The following CCNJL variants were observed in gnomAD, a reference collection of about 807,000 sequenced individuals.
CCNJL encodes cyclin-J-like protein.
CCNJL carries 33 observed loss-of-function variants against 33.4 expected under a neutral mutation model. That is an observed-to-expected ratio of 0.99 (90% confidence interval 0.75 to 1.32). The LOEUF is 1.32. CCNJL is among the 40% of genes most tolerant of loss of function. The pLI is 0.00. For missense variants in CCNJL, 512 were observed against 499.7 expected (o/e 1.02, Z -0.23); for synonymous variants, 227 against 220.9 (o/e 1.03, Z -0.24).
upstream of CCNJL, among the ~76,000 whole-genome samples, chr5:160,313,316 T>G (rs568467396): frequency 1.3e-5 from 2 of 152,364 alleles, no homozygotes; most frequent in Non-Finnish European, 1.5e-5. Context: ...TTCACAAATT[T>G]GGAATCAAAT....
Position 160,259,710 on chromosome 5 carries a change from G to A in CCNJL, c.342C>T (p.Ile114=). ...PKLEQINSTR[I]LSSQNFTLTK... ...TGAGGGTGAAGTTCTGGCTGCTCAG[G>A]ATCCTCGTGCTGTTTATTTGCTCCA... Residue 114 remains isoleucine, a synonymous_variant, in exon 4 of 6, where the codon ATC becomes ATT. Coordinates refer to ENST00000257536, the MANE Select transcript of CCNJL (RefSeq NM_001308173.3). 1 of 1,614,144 alleles carries A rather than the reference G, an allele frequency of 6.2e-7. No homozygotes were observed. Among genetic ancestry groups the A allele is most frequent in the Non-Finnish European group, 8.5e-7 (1 of 1,179,984 alleles).
At chr5:160,321,078 CTTTCT>C (rs1763456212) in intron 1 of CCNJL, among the ~76,000 whole-genome samples, 1 of 103,972 alleles carries the variant, frequency 9.6e-6, no homozygotes, top group South Asian at 2.5e-4. Flanking sequence ...TTCTTTCTTT[CTTTCT>C]TTCTTTCCTT....
chr5:160,279,118 G>A (rs1302785168), intron 3 of CCNJL, among the ~76,000 whole-genome samples: 1 of 152,202 alleles, frequency 6.6e-6, no homozygotes, highest in Non-Finnish European at 1.5e-5. Flanking sequence ...TTCCGGAACT[G>A]GGTGATCGTG....
intron 1 of CCNJL, among the ~76,000 whole-genome samples, chr5:160,320,798 TTTC>T (rs1763432990): frequency 1.8e-5 from 1 of 56,808 alleles, no homozygotes; most frequent in South Asian, 6.6e-4. Flanking sequence ...CCTTTCTTTC[TTTC>T]TTTCTTTCTT....
intron 2 of CCNJL, among the ~76,000 whole-genome samples, chr5:160,309,087 C>T (rs781686795): frequency 3.9e-5 from 6 of 152,194 alleles, no homozygotes; most frequent in African/African-American, 9.7e-5. Context: ...GGGTATTCCA[C>T]GCAGTGGTAA....
chr5:160,316,611 A>G (rs141664404), upstream of CCNJL, among the ~76,000 whole-genome samples: 286 of 152,272 alleles, frequency 1.9e-3, no homozygotes, highest in Non-Finnish European at 3.3e-3. Flanking sequence ...CTCCTCCCCA[A>G]TGATAACCAG....
intron 2 of CCNJL, among the ~76,000 whole-genome samples, chr5:160,303,042 T>C (rs1300457961): frequency 2.0e-5 from 3 of 152,084 alleles, no homozygotes; most frequent in Non-Finnish European, 2.9e-5. Flanking sequence ...TATAGCGTGG[T>C]TTTACAAAAT....
intron 3 of CCNJL, among the ~76,000 whole-genome samples, chr5:160,271,690 C>T (rs116389618): frequency 0.021 from 3,202 of 152,324 alleles, 106 homozygotes; most frequent in African/African-American, 0.072. Context: ...GTGGCCACCA[C>T]GCAAACGTCA....
At chr5:160,286,190 C>A (rs575544781) in intron 2 of CCNJL, among the ~76,000 whole-genome samples, 1 of 152,346 alleles carries the variant, frequency 6.6e-6, no homozygotes, top group East Asian at 1.9e-4. Context: ...TCCCTCCCCA[C>A]TCAACTGGCC....
upstream of CCNJL, chr5:160,312,604 G>A (rs1319367677): frequency 6.6e-6 from 1 of 151,560 alleles, no homozygotes; most frequent in South Asian, 2.1e-4. Context: ...GGGAATTGGG[G>A]GCCGGGCCTC....
At chr5:160,255,730 A>G (rs77519178) in intron 4 of CCNJL, 22 bp from the exon 5 acceptor site, 92,742 of 1,609,932 alleles carry the variant, frequency 0.058, 3,240 homozygotes, top group Non-Finnish European at 0.068. Context: ...CCACGGAGGG[A>G]GTCAGCATCC....
At chr5:160,314,999 C>T (rs916495062), upstream of CCNJL, among the ~76,000 whole-genome samples, 3 of 152,028 alleles carry the variant, frequency 2.0e-5, no homozygotes, top group Non-Finnish European at 4.4e-5. Flanking sequence ...AACTCTTCCA[C>T]CTGTAGAAAT....
chr5:160,291,562 C>A (rs1445550355), intron 2 of CCNJL, among the ~76,000 whole-genome samples: 2 of 152,174 alleles, frequency 1.3e-5, no homozygotes, highest in Non-Finnish European at 2.9e-5. Flanking sequence ...GAAAAGGTGC[C>A]TGAGGGTGCC....
At chr5:160,331,515 T>C (rs1379030595) in intron 1 of CCNJL, among the ~76,000 whole-genome samples, 1 of 152,188 alleles carries the variant, frequency 6.6e-6, no homozygotes, top group Non-Finnish European at 1.5e-5. Context: ...TGAGCCACCG[T>C]GCCCAGCCCG....
At chr5:160,277,662 G>A (rs1762060383) in intron 3 of CCNJL, among the ~76,000 whole-genome samples, 1 of 152,054 alleles carries the variant, frequency 6.6e-6, no homozygotes, top group Admixed American at 6.6e-5. Flanking sequence ...CGCAGACATG[G>A]GTCCCTGGCT....
chr5:160,270,503 G>A (rs1322604736), intron 3 of CCNJL, among the ~76,000 whole-genome samples: 1 of 151,612 alleles, frequency 6.6e-6, no homozygotes. Context: ...CCCAGGTACT[G>A]GGAGGCTGAG....
At chr5:160,296,496 T>C (rs1762755460) in intron 2 of CCNJL, among the ~76,000 whole-genome samples, 1 of 152,248 alleles carries the variant, frequency 6.6e-6, no homozygotes, top group Admixed American at 6.5e-5. Flanking sequence ...CTTCCTCCCC[T>C]AGTTCAGATG....
chr5:160,329,275 C>A (rs1038235160), intron 1 of CCNJL, among the ~76,000 whole-genome samples: 1 of 151,860 alleles, frequency 6.6e-6, no homozygotes, highest in Non-Finnish European at 1.5e-5. Context: ...AGGAGAGTTT[C>A]TTGAAAAACA....
intron 3 of CCNJL, among the ~76,000 whole-genome samples, chr5:160,276,733 T>C (rs74734346): frequency 0.041 from 6,268 of 152,244 alleles, 422 homozygotes; most frequent in African/African-American, 0.14. Flanking sequence ...AACCGTACAC[T>C]TGAAAATGGT....
Sources: gnomAD v4.1 joint callset for allele counts (sites outside exome capture counted in the v4.1 genomes callset) on GRCh38, gnomAD v4.1.1 for gene constraint, MANE v1.5 for transcripts, NCBI Gene and HGNC (gene_info 2026-07-23, HGNC 2026-07-21) for gene names.